AHCTF1: variants seen among roughly 807,000 people sequenced by gnomAD.
AHCTF1 encodes AT-hook containing transcription factor 1.
A neutral mutation model predicts 248.4 loss-of-function variants in AHCTF1; 24 were observed. The ratio of observed to expected loss-of-function variants is 0.10; its 90% CI spans 0.07 to 0.14. The LOEUF is 0.14. Among genes scored for constraint, AHCTF1 ranks in the 10% least tolerant of loss-of-function variants. The pLI is 1.00. For synonymous variants in AHCTF1, 786 were observed against 929.8 expected (o/e 0.85, Z 2.81); for missense variants, 2,206 against 2,636.2 (o/e 0.84, Z 3.57).
rs147238273 is a variant in AHCTF1 at position 246,842,718 on chromosome 1, G to A, written c.6584C>T (p.Thr2195Met). The A allele has an allele frequency of 1.9e-5, 30 of 1,613,408 alleles. No individual in the cohort carries two copies. The highest frequency in any genetic ancestry group is 1.1e-4 in the African/African-American group (8 of 74,898). ...LGKPKAKRIR[T>M]SKTKQASKNT... is the part of the protein sequence containing the mutation. The stretch of plus-strand genomic sequence containing the variant: ...CTTGCTTGCTTGTTTTGTTTTTGAC[G>A]TCCTGATTCGTTTCGCTTTTGGCTT... The change falls in exon 35 of 36, where the codon ACG becomes ATG. Residue 2195 changes from threonine (T) to methionine (M), a missense_variant. Around this residue, in one of 6 missense-constraint regions of AHCTF1, gnomAD observed 469 missense variants for 470.0 expected, o/e 1.00. Coordinates refer to ENST00000648844, the MANE Select transcript of AHCTF1 (RefSeq NM_001323342.2).
intron 24 of AHCTF1, among the ~76,000 whole-genome samples, chr1:246,869,712 G>GAA (rs113491073): frequency 3.5e-5 from 5 of 143,472 alleles, no homozygotes; most frequent in African/African-American, 7.6e-5. Flanking sequence ...GAACTGTTCA[G>GAA]AAAAAAAAAA....
rs12036689 is a variant in AHCTF1, at chr1:246,926,804, C to T, written c.-8+4774G>A. Among the ~76,000 whole-genome samples the T allele has an allele frequency of 6.6e-5, 10 of 152,046 alleles. No homozygotes were observed. In the East Asian group the frequency reaches 7.8e-4, roughly 12 times the overall value. On this transcript the variant is annotated intron_variant, in intron 1 of 35. Transcript: ENST00000648844. ...CCGGGAGGCGGAGATTGCAGTCAGC[C>T]GACACTGCACCATTGCACTCCAGCC...
At chr1:246,892,390 C>G (rs527489102) in intron 14 of AHCTF1, among the ~76,000 whole-genome samples, 155 of 145,042 alleles carry the variant, frequency 1.1e-3, no homozygotes, top group African/African-American at 3.9e-3. Context: ...TCTCAATCTC[C>G]GCTCACTGCA....
intron 1 of AHCTF1, among the ~76,000 whole-genome samples, chr1:246,921,708 C>CAA (rs1666561715): frequency 6.6e-6 from 1 of 152,140 alleles, no homozygotes; most frequent in African/African-American, 2.4e-5. Flanking sequence ...GTAGAAACCG[C>CAA]AATTCTGGAA....
rs114875965 is a variant in AHCTF1, at chr1:246,848,207, A to G, written c.6391+1408T>C. ...CATTCTCCTGGGCTCAAACTGTATC[A>G]GTACAACAAGTCATCTACTTTATTT... On this transcript the variant is annotated intron_variant, in intron 33 of 35. Transcript: ENST00000648844. 6.4e-3 allele frequency among the ~76,000 whole-genome samples: 977 copies of G among 152,200 alleles called. 10 individuals are homozygous for G. Among genetic ancestry groups the G allele is most frequent in the Non-Finnish European group, 7.9e-3 (534 of 68,016 alleles).
intron 13 of AHCTF1, among the ~76,000 whole-genome samples, chr1:246,895,450 C>T (rs1386895865): frequency 1.3e-5 from 2 of 152,068 alleles, no homozygotes; most frequent in Non-Finnish European, 2.9e-5. Context: ...CAGTGATACA[C>T]ACAACAATTT....
intron 1 of AHCTF1, among the ~76,000 whole-genome samples, chr1:246,921,707 G>A (rs1402061286): frequency 6.6e-6 from 1 of 152,100 alleles, no homozygotes; most frequent in African/African-American, 2.4e-5. Context: ...AGTAGAAACC[G>A]CAATTCTGGA....
chr1:246,868,481 C>T lies in AHCTF1; in HGVS notation c.3089-670G>A, dbSNP rs140112899. Among the ~76,000 whole-genome samples the T allele has an allele frequency of 1.4e-3, 210 of 151,982 alleles. 5 individuals are homozygous for T. The highest frequency in any genetic ancestry group is 0.011 in the East Asian group (59 of 5,146). ...TGTTGGCCAGACTGGTCTCAAACTCCGGGCCTCAAGTGATCCTCCCTCCTC... is the reference window on the plus strand; with the variant it reads ...TGTTGGCCAGACTGGTCTCAAACTCTGGGCCTCAAGTGATCCTCCCTCCTC... On this transcript the variant is annotated intron_variant, in intron 24 of 35. Transcript: ENST00000648844.
chr1:246,882,075 G>A (rs1332474451), intron 21 of AHCTF1, among the ~76,000 whole-genome samples: 1 of 149,202 alleles, frequency 6.7e-6, no homozygotes, highest in Non-Finnish European at 1.5e-5. Flanking sequence ...TCTGCTCACT[G>A]CAAGCTCCGC....
chr1:246,850,045 T>C lies in AHCTF1; in HGVS notation c.5961A>G (p.Gly1987=). 1 of 1,613,956 alleles carries C rather than the reference T, an allele frequency of 6.2e-7. No homozygotes were observed. Among genetic ancestry groups the C allele is most frequent in the African/African-American group, 1.3e-5 (1 of 75,036 alleles). Reference sequence around the variant, plus strand: ...TTCTCTCTTCCTTAACAGCCTTAGATCCTACATCTTCAGATGGATTGATTT... The same window carrying C: ...TTCTCTCTTCCTTAACAGCCTTAGACCCTACATCTTCAGATGGATTGATTT... ...PRKINPSEDV[G]SKAVKEERSP... Residue 1987 remains glycine (G), a synonymous_variant, in exon 33 of 36, where the codon GGA becomes GGG. Coordinates refer to ENST00000648844, the MANE Select transcript of AHCTF1 (RefSeq NM_001323342.2).
chr1:246,878,258 ATGG>A (rs1159210491), intron 21 of AHCTF1, among the ~76,000 whole-genome samples: 1 of 151,774 alleles, frequency 6.6e-6, no homozygotes, highest in African/African-American at 2.4e-5. Context: ...TTAGCTGGGC[ATGG>A]TGGTGTGTGC....
At chr1:246,868,128 ATT>A (rs1028892311) in intron 24 of AHCTF1, among the ~76,000 whole-genome samples, 12 of 133,788 alleles carry the variant, frequency 9.0e-5, no homozygotes, top group Non-Finnish European at 9.6e-5. Flanking sequence ...AGCCCGGCTA[ATT>A]TTTTTTTTTT....
rs1661490175 is a variant in AHCTF1 at position 246,860,910 on chromosome 1, T to C, written c.4121A>G (p.Gln1374Arg). 6.2e-7 allele frequency: 1 copy of C among 1,607,520 alleles called. No homozygotes were observed. Among genetic ancestry groups the C allele is most frequent in the Non-Finnish European group, 8.5e-7 (1 of 1,174,524 alleles). The change falls in exon 29 of 36, where the codon CAG (glutamine) becomes CGG (arginine). Residue 1374 changes from glutamine (Q) to arginine (R), a missense_variant. Physicochemically the swap from Gln to Arg is conservative, Grantham distance 43 (BLOSUM62 1). Around this residue, in one of 6 missense-constraint regions of AHCTF1, gnomAD observed 955 missense variants for 1,055.6 expected, o/e 0.90. Transcript: ENST00000648844. ...FASEVTPSDL[Q>R]KQMGNLEDAE... ...AAATGAGTTCTTACCCATTTGTTTC[T>C]GTAGGTCTGAAGGAGTTACTTCTGA... is the stretch of plus-strand genomic sequence containing the variant.
At chr1:246,921,661 G>A (rs1244443360) in intron 1 of AHCTF1, among the ~76,000 whole-genome samples, 1 of 151,932 alleles carries the variant, frequency 6.6e-6, no homozygotes, top group Non-Finnish European at 1.5e-5. Context: ...ATGAATCCTA[G>A]GAACTACCAA....
intron 29 of AHCTF1, among the ~76,000 whole-genome samples, chr1:246,859,540 G>A (rs1661367415): frequency 6.6e-6 from 1 of 152,052 alleles, no homozygotes; most frequent in Admixed American, 6.6e-5. Context: ...CATACTTCAG[G>A]AACTCAAAAC....
chr1:246,891,954 C>G, intron 14 of AHCTF1, 35 bp from the exon 15 acceptor site: 1 of 1,556,262 alleles, frequency 6.4e-7, no homozygotes, highest in Non-Finnish European at 8.6e-7. Flanking sequence ...AGTTTCCATA[C>G]AGTAAATCTA....
intron 27 of AHCTF1, 56 bp downstream of exon 27, chr1:246,863,868 T>C: frequency 6.4e-7 from 1 of 1,551,690 alleles, no homozygotes; most frequent in Non-Finnish European, 8.8e-7. Context: ...TCCTTGCTAC[T>C]TGAAAAGTAA....
chr1:246,868,984 A>G (rs573678661), intron 24 of AHCTF1, among the ~76,000 whole-genome samples: 153 of 142,708 alleles, frequency 1.1e-3, no homozygotes, highest in South Asian at 2.8e-3. Context: ...AGCTGGGACT[A>G]CAGGCGCCCG....
At chr1:246,862,965 T>C (rs1037156011) in intron 27 of AHCTF1, among the ~76,000 whole-genome samples, 2 of 152,164 alleles carry the variant, frequency 1.3e-5, no homozygotes, top group Non-Finnish European at 1.5e-5. Flanking sequence ...AATTACTGAA[T>C]CCCATTAGAT....
Sources: gnomAD v4.1 joint callset for allele counts (sites outside exome capture counted in the v4.1 genomes callset) on GRCh38, gnomAD v4.1.1 for gene constraint, gnomAD v4.1.1 regional missense constraint, MANE v1.5 for transcripts, NCBI Gene and HGNC (gene_info 2026-07-23, HGNC 2026-07-21) for gene names.